PAK5: variants seen among roughly 807,000 people sequenced by gnomAD.
The protein encoded by PAK5 is serine/threonine-protein kinase PAK 5.
In PAK5, 16 loss-of-function variants were observed where a neutral mutation model predicts 65.9. That is an observed-to-expected ratio of 0.24 (90% CI 0.16 to 0.37). PAK5 has a LOEUF of 0.37. Among genes scored for constraint, PAK5 ranks in the 10% least tolerant of loss-of-function variants. The pLI is 1.00. For synonymous variants in PAK5, 371 were observed against 354.9 expected (o/e 1.05, Z -0.51); for missense variants, 785 against 903.9 (o/e 0.87, Z 1.69).
rs146588135 is a variant in PAK5, at chr20:9,600,986, C to T, written c.205-20056G>A. ...TCTCTTCTGGAGGTTAAGAGTCCCA[C>T]TCTGACCCCAAACAGGCAGGTAAGT... On this transcript the variant is annotated intron_variant, in intron 3 of 9. Coordinates refer to ENST00000353224, the MANE Select transcript of PAK5 (RefSeq NM_177990.4). 1.3e-3 allele frequency among the ~76,000 whole-genome samples: 198 copies of T among 152,308 alleles called. 3 individuals are homozygous for T. In the East Asian group the frequency reaches 0.034, roughly 26 times the overall value.
intron 1 of PAK5, among the ~76,000 whole-genome samples, chr20:9,730,206 ATATAT>A (rs2048321995): frequency 6.6e-6 from 1 of 151,610 alleles, no homozygotes; most frequent in Admixed American, 6.6e-5. Context: ...GTGTATTAAA[ATATAT>A]TAGAAGTGAC....
chr20:9,704,409 G>A (rs73895954), intron 2 of PAK5, among the ~76,000 whole-genome samples: 3,216 of 152,250 alleles, frequency 0.021, 124 homozygotes, highest in African/African-American at 0.074. Flanking sequence ...TTGTGTTGCA[G>A]CTAGTAGGCC....
At chr20:9,599,101 A>G (rs1002343210) in intron 3 of PAK5, among the ~76,000 whole-genome samples, 5 of 152,176 alleles carry the variant, frequency 3.3e-5, no homozygotes, top group South Asian at 2.1e-4. Context: ...GCTTCCCCAT[A>G]TAAGTGAAAT....
At chr20:9,614,667 A>G (rs1428585222) in intron 3 of PAK5, among the ~76,000 whole-genome samples, 1 of 152,208 alleles carries the variant, frequency 6.6e-6, no homozygotes, top group Non-Finnish European at 1.5e-5. Flanking sequence ...AAGACAGTGG[A>G]GTGAAATATT....
chr20:9,614,793 G>C (rs1335611774), intron 3 of PAK5, among the ~76,000 whole-genome samples: 1 of 152,206 alleles, frequency 6.6e-6, no homozygotes, highest in Non-Finnish European at 1.5e-5. Context: ...CAGGGAATTT[G>C]ATGCTAGCAG....
chr20:9,597,462 T>C (rs2046290990), intron 3 of PAK5, among the ~76,000 whole-genome samples: 1 of 152,242 alleles, frequency 6.6e-6, no homozygotes, highest in Non-Finnish European at 1.5e-5. Context: ...GTTACTTACA[T>C]GAGCACATCC....
chr20:9,675,426 G>A (rs1348929265), intron 2 of PAK5, among the ~76,000 whole-genome samples: 1 of 152,088 alleles, frequency 6.6e-6, no homozygotes, highest in East Asian at 1.9e-4. Context: ...GCATACAGTA[G>A]GTGCTTTTAA....
intron 2 of PAK5, among the ~76,000 whole-genome samples, chr20:9,705,543 T>C (rs2047995695): frequency 6.6e-6 from 1 of 152,142 alleles, no homozygotes; most frequent in African/African-American, 2.4e-5. Context: ...CATATGTGTA[T>C]TCAGGGTGAC....
chr20:9,541,751 C>A (rs2045267508), intron 9 of PAK5, among the ~76,000 whole-genome samples: 2 of 152,172 alleles, frequency 1.3e-5, no homozygotes, highest in Admixed American at 1.3e-4. Flanking sequence ...ATATTGTAAT[C>A]CTCACATGTC....
chr20:9,764,669 T>C (rs1028583158), intron 1 of PAK5, among the ~76,000 whole-genome samples: 1 of 152,194 alleles, frequency 6.6e-6, no homozygotes, highest in Non-Finnish European at 1.5e-5. Context: ...AACTCATATA[T>C]AGAAAAGAGT....
intron 1 of PAK5, among the ~76,000 whole-genome samples, chr20:9,744,617 C>T (rs1000146660): frequency 4.6e-5 from 7 of 152,154 alleles, no homozygotes; most frequent in African/African-American, 1.2e-4. Context: ...TTGGCAGACC[C>T]TTGGGATTAT....
At chr20:9,708,819 C>T (rs1389448319) in intron 2 of PAK5, among the ~76,000 whole-genome samples, 1 of 152,142 alleles carries the variant, frequency 6.6e-6, no homozygotes, top group Admixed American at 6.6e-5. Context: ...TTTCCATGCC[C>T]TTGATTGGGA....
At chr20:9,607,736 G>A (rs1477421961) in intron 3 of PAK5, among the ~76,000 whole-genome samples, 1 of 152,032 alleles carries the variant, frequency 6.6e-6, no homozygotes, top group Admixed American at 6.6e-5. Context: ...TAAGGTGGGA[G>A]GATTACTTGA....
intron 1 of PAK5, among the ~76,000 whole-genome samples, chr20:9,812,742 C>T (rs1274391549): frequency 6.6e-6 from 1 of 152,126 alleles, no homozygotes; most frequent in African/African-American, 2.4e-5. Flanking sequence ...AGATCTAATG[C>T]TCAGTAGCAC....
chr20:9,744,278 T>G (rs2063504315), intron 1 of PAK5, among the ~76,000 whole-genome samples: 1 of 152,148 alleles, frequency 6.6e-6, no homozygotes, highest in African/African-American at 2.4e-5. Flanking sequence ...ATACAGAGCC[T>G]AAAGATTAAT....
chr20:9,722,263 G>A (rs1377104715), intron 1 of PAK5, among the ~76,000 whole-genome samples: 1 of 152,114 alleles, frequency 6.6e-6, no homozygotes, highest in Non-Finnish European at 1.5e-5. Context: ...GGTTATCAAT[G>A]TTTATAAATA....
chr20:9,690,742 CTTTCTTTCTT>C (rs2047782520), intron 2 of PAK5, among the ~76,000 whole-genome samples: 2 of 125,672 alleles, frequency 1.6e-5, no homozygotes, highest in African/African-American at 3.3e-5. Flanking sequence ...TTCTTTCTTT[CTTTCTTTCTT>C]TTTTTTTTTT....
chr20:9,564,234 C>T (rs183239506), intron 5 of PAK5, among the ~76,000 whole-genome samples: 37 of 152,294 alleles, frequency 2.4e-4, no homozygotes, highest in Middle Eastern at 3.4e-3. Context: ...AACATAATTA[C>T]TCATGTTTCC....
At chr20:9,729,647 C>T (rs1489246272) in intron 1 of PAK5, among the ~76,000 whole-genome samples, 1 of 152,074 alleles carries the variant, frequency 6.6e-6, no homozygotes, top group Non-Finnish European at 1.5e-5. Flanking sequence ...TGATTCTTGC[C>T]TAGAAAATTG....
Sources: gnomAD v4.1 joint callset for allele counts (sites outside exome capture counted in the v4.1 genomes callset) on GRCh38, gnomAD v4.1.1 for gene constraint, MANE v1.5 for transcripts, NCBI Gene and HGNC (gene_info 2026-07-23, HGNC 2026-07-21) for gene names.